PPP2R5C: variants seen among roughly 807,000 people sequenced by gnomAD.
PPP2R5C encodes the protein protein phosphatase 2 regulatory subunit B'gamma, also known as serine/threonine-protein phosphatase 2A 56 kDa regulatory subunit gamma isoform.
In PPP2R5C, 7 loss-of-function variants were observed where a neutral mutation model predicts 68.9. That is an observed-to-expected ratio of 0.10 (90% CI 0.06 to 0.19). PPP2R5C has a LOEUF of 0.19. PPP2R5C is among the 10% of genes least tolerant of loss of function. The pLI is 1.00. For synonymous variants in PPP2R5C, 210 were observed against 222.2 expected (o/e 0.95, Z 0.49); for missense variants, 348 against 641.3 (o/e 0.54, Z 4.94).
chr14:101,771,333 C>T (rs2037143093), intron 2 of PPP2R5C, among the ~76,000 whole-genome samples: 1 of 151,514 alleles, frequency 6.6e-6, no homozygotes, highest in Non-Finnish European at 1.5e-5. Context: ...TGGCTCACCA[C>T]AACCTCCGCC....
At chr14:101,856,539 T>C in intron 1 of PPP2R5C, 147 bp from the exon 4 acceptor site, 1 of 738,682 alleles carries the variant, frequency 1.4e-6, no homozygotes, top group Non-Finnish European at 2.2e-6. Flanking sequence ...TTATTTTCTT[T>C]AAGGAATAGC....
In PPP2R5C at chr14:101,765,370, G is replaced by GT. The variant is rs1187060111; in HGVS notation, c.93+2408dup. ...GAGTTGACCCTTAAATTTTATTATT[G>GT]TTTTTTTTCCCCTCAGTCTTCAGCT... On this transcript the variant is annotated intron_variant, in intron 2 of 14. Transcript: ENST00000328724. 5.7e-5 allele frequency: 37 copies of GT among 644,130 alleles called. No homozygotes were observed. The Middle Eastern group carries it at 9.4e-4, about 16-fold the overall frequency. The allele number at this position is 644,130 out of a possible 1,614,324, so 39.9% of individuals were successfully genotyped here.
chr14:101,787,847 G>A (rs116513400), intron 3 of PPP2R5C, among the ~76,000 whole-genome samples: 1,519 of 150,978 alleles, frequency 0.01, 28 homozygotes, highest in African/African-American at 0.034. Context: ...GTTTACCTTT[G>A]TGGTAGATAA....
chr14:101,903,757 C>A (rs369731413), intron 9 of PPP2R5C, among the ~76,000 whole-genome samples: 28 of 151,998 alleles, frequency 1.8e-4, no homozygotes, highest in African/African-American at 6.3e-4. Context: ...CTCATTGCAA[C>A]CTCTGCCTTC....
chr14:101,800,893 G>A (rs543027071), intron 3 of PPP2R5C, among the ~76,000 whole-genome samples: 1 of 152,314 alleles, frequency 6.6e-6, no homozygotes, highest in South Asian at 2.1e-4. Flanking sequence ...TCAGCCATAA[G>A]AAAGAATAGA....
At chr14:101,790,733 A>G (rs759590963) in intron 3 of PPP2R5C, among the ~76,000 whole-genome samples, 3 of 152,240 alleles carry the variant, frequency 2.0e-5, no homozygotes, top group African/African-American at 4.8e-5. Flanking sequence ...TCTCTTGAGT[A>G]GATACCTAGG....
chr14:101,862,119 T>C (rs968315734), intron 2 of PPP2R5C, among the ~76,000 whole-genome samples: 6 of 152,150 alleles, frequency 3.9e-5, no homozygotes, highest in African/African-American at 1.4e-4. Flanking sequence ...CTCCACTCTA[T>C]TGGCCAGGCT....
chr14:101,912,617 A>G lies in PPP2R5C; in HGVS notation c.1326+144A>G, dbSNP rs2046460548. 4 of 1,335,630 alleles carry G rather than the reference A, an allele frequency of 3.0e-6. No individual in the cohort carries two copies. The East Asian group carries it at 1.2e-4, about 39-fold the overall frequency. 82.7% of individuals were successfully genotyped at this position (1,335,630 alleles called of 1,614,324 possible). A position where few individuals can be genotyped will look rare whatever the true frequency, so the allele number is the denominator to read the frequency against. ...TGTCTGCAATAAAAAGTACTTTTAA[A>G]CTTTGTAACCCTCCTTTTGTACAAG... On this transcript the variant is annotated intron_variant, in intron 12 of 13. Transcript: ENST00000334743.
chr14:101,871,096 C>T (rs1046806462), intron 2 of PPP2R5C, among the ~76,000 whole-genome samples: 1 of 152,144 alleles, frequency 6.6e-6, no homozygotes, highest in Non-Finnish European at 1.5e-5. Flanking sequence ...CATTCCAGCG[C>T]TCTTCTGACT....
At chr14:101,815,042 G>A (rs2039574365) in intron 1 of PPP2R5C, among the ~76,000 whole-genome samples, 1 of 152,184 alleles carries the variant, frequency 6.6e-6, no homozygotes, top group African/African-American at 2.4e-5. Context: ...CATACGTTGA[G>A]TGCCTTCAGT....
intron 1 of PPP2R5C, chr14:101,836,198 G>C (rs1408761344): frequency 2.8e-6 from 2 of 702,564 alleles, no homozygotes; most frequent in Non-Finnish European, 5.2e-6. Flanking sequence ...CAGGGTTTCA[G>C]CTGAGCTGAG....
intron 1 of PPP2R5C, among the ~76,000 whole-genome samples, chr14:101,828,630 C>T (rs956885286): frequency 6.7e-6 from 1 of 148,934 alleles, no homozygotes; most frequent in Non-Finnish European, 1.5e-5. Context: ...TGCTTTGGGA[C>T]AAGCAGAAAG....
chr14:101,871,694 TTGTC>T (rs1390214406), intron 2 of PPP2R5C, among the ~76,000 whole-genome samples: 15 of 152,204 alleles, frequency 9.9e-5, no homozygotes, highest in African/African-American at 3.1e-4. Context: ...TTTCTCTTCT[TTGTC>T]TGCATTCTTT....
chr14:101,804,246 A>G (rs761806802), intron 3 of PPP2R5C, among the ~76,000 whole-genome samples: 1 of 152,232 alleles, frequency 6.6e-6, no homozygotes, highest in African/African-American at 2.4e-5. Context: ...ATGTGGGGAA[A>G]AGGGAACCCT....
chr14:101,776,974 G>A (rs549511914), intron 2 of PPP2R5C, among the ~76,000 whole-genome samples: 44 of 148,236 alleles, frequency 3.0e-4, no homozygotes, highest in Admixed American at 1.3e-3. Flanking sequence ...TCCACCTCCC[G>A]GGTTCAAGCA....
intron 2 of PPP2R5C, among the ~76,000 whole-genome samples, chr14:101,776,364 AC>A (rs1200497384): frequency 6.6e-6 from 1 of 152,028 alleles, no homozygotes; most frequent in African/African-American, 2.4e-5. Flanking sequence ...TGTTGCCCAA[AC>A]CAGATCGCTA....
At chr14:101,856,691 C>T (rs780419538) in exon 2 of PPP2R5C, 3 of 1,613,628 alleles carry the variant, frequency 1.9e-6, no homozygotes, top group Non-Finnish European at 2.5e-6. Flanking sequence ...TTCAGATGTT[C>T]CTCCTGCTGA....
At chr14:101,893,726 G>T (rs1047044677) in intron 7 of PPP2R5C, among the ~76,000 whole-genome samples, 2 of 152,158 alleles carry the variant, frequency 1.3e-5, no homozygotes, top group African/African-American at 4.8e-5. Context: ...CTCCAGCCTG[G>T]GCAACAAGAG....
At chr14:101,806,165 A>G (rs570156115), upstream of PPP2R5C, among the ~76,000 whole-genome samples, 1 of 152,216 alleles carries the variant, frequency 6.6e-6, no homozygotes, top group South Asian at 2.1e-4. Context: ...ATAGGTATAC[A>G]TGTGTCATGG....
Sources: allele counts gnomAD v4.1 joint callset (sites outside exome capture counted in the v4.1 genomes callset), GRCh38; gene constraint gnomAD v4.1.1; transcripts MANE v1.5; gene names NCBI Gene and HGNC (gene_info 2026-07-23, HGNC 2026-07-21).